Variants in SEC31B observed in about 807,000 individuals in gnomAD.
SEC31B encodes protein transport protein Sec31B.
SEC31B carries 113 observed loss-of-function variants against 135.0 expected under a neutral mutation model. That is an observed-to-expected ratio of 0.84 (90% CI 0.72 to 0.98). SEC31B has a LOEUF of 0.98. Ranked by LOEUF, SEC31B falls within the 50% of genes least tolerant of loss-of-function variation. SEC31B has a pLI of 0.00. For missense variants in SEC31B, 1,296 were observed against 1,421.1 expected, an observed-to-expected ratio of 0.91 and a Z score of 1.42; for synonymous variants, 508 against 549.4, an observed-to-expected ratio of 0.92 and a Z score of 1.05.
intron 14 of SEC31B, 146 bp downstream of exon 14, chr10:100,498,559 C>G: frequency 1.6e-6 from 1 of 636,848 alleles, no homozygotes; most frequent in Non-Finnish European, 2.8e-6. Context: ...AGAGAGAGCT[C>G]TAACTGGTAA....
At chr10:100,495,671 G>T in intron 18 of SEC31B, 125 bp from the exon 19 acceptor site, 1 of 1,041,658 alleles carries the variant, frequency 9.6e-7, no homozygotes, top group Non-Finnish European at 1.4e-6. Flanking sequence ...TGTTGTTGTT[G>T]TTGTTCTGTT....
chr10:100,512,755 A>G (rs763070569), intron 3 of SEC31B, among the ~76,000 whole-genome samples: 1 of 152,244 alleles, frequency 6.6e-6, no homozygotes, highest in African/African-American at 2.4e-5. Flanking sequence ...AAAAATGGAA[A>G]AATGAGGAAG....
intron 5 of SEC31B, 104 bp from the exon 6 acceptor site, chr10:100,508,155 G>C (rs1313889873): frequency 3.6e-6 from 5 of 1,380,604 alleles, no homozygotes; most frequent in Non-Finnish European, 4.1e-6. Flanking sequence ...TCCAAGAATA[G>C]ACATGGGGCT....
chr10:100,509,746 T>C (rs1229328315), intron 3 of SEC31B, among the ~76,000 whole-genome samples: 1 of 152,088 alleles, frequency 6.6e-6, no homozygotes, highest in Non-Finnish European at 1.5e-5. Context: ...TGCCTCTGAG[T>C]TGTGTGGAGG....
intron 5 of SEC31B, chr10:100,508,347 G>T: frequency 3.7e-6 from 2 of 533,706 alleles, no homozygotes; most frequent in Middle Eastern, 2.9e-4. Flanking sequence ...GACAAAAAAA[G>T]AGGGAGAGAA....
Position 100,488,958 on chromosome 10 carries a change from G to C in SEC31B, c.3188C>G (p.Pro1063Arg), listed in dbSNP as rs746234036. The change falls in exon 24 of 26, where the codon CCT (proline) becomes CGT (arginine). Residue 1063 changes from proline (P) to arginine (R), a missense_variant. By Grantham distance (103) the Pro-to-Arg change is moderately radical (BLOSUM62 -2). Coordinates refer to ENST00000370345, the MANE Select transcript of SEC31B (RefSeq NM_015490.4). ...CAGCTCCTTCCTTTCCATCTTCTCAGGTGGCAGGTGCTGAAGCTGCTGATA... is the reference window on the plus strand; with the variant it reads ...CAGCTCCTTCCTTTCCATCTTCTCACGTGGCAGGTGCTGAAGCTGCTGATA... ...ELSLQLQHLP[P>R]EKMERKELPP... 2.6e-5 allele frequency: 42 copies of C among 1,608,710 alleles called. No individual in the cohort carries two copies. In the South Asian group the frequency reaches 4.3e-4, roughly 17 times the overall value.
chr10:100,504,782 G>A (rs928809605), intron 10 of SEC31B, among the ~76,000 whole-genome samples: 7 of 151,976 alleles, frequency 4.6e-5, no homozygotes, highest in Non-Finnish European at 7.4e-5. Flanking sequence ...AAAGGCTGTG[G>A]TAGCATTCAA....
At chr10:100,516,265 A>C in intron 2 of SEC31B, 46 bp from the exon 3 acceptor site, 1 of 1,601,926 alleles carries the variant, frequency 6.2e-7, no homozygotes, top group Non-Finnish European at 8.5e-7. Context: ...ATATGCATGG[A>C]TTTCAGGTAT....
At position 100,509,323 on chromosome 10, in the gene SEC31B, G is replaced by A. The variant is rs1472060703; in HGVS notation, c.392C>T (p.Pro131Leu). The change falls in exon 4 of 26, where the codon CCT becomes CTT. Residue 131 changes from proline to leucine, a missense_variant. Coordinates refer to ENST00000370345, the MANE Select transcript of SEC31B (RefSeq NM_015490.4). ...CTAACTGAAATGTAGTACCTGGAAA[G>A]GATTCAAGTCGAGGGCTCTGACAGC... ...TGAVRALDLN[P>L]FQGNLLASGA... 6.2e-7 allele frequency: 1 copy of A among 1,613,418 alleles called. No individual in the cohort carries two copies. The highest frequency in any genetic ancestry group is 8.5e-7 in the Non-Finnish European group (1 of 1,179,832).
intron 19 of SEC31B, among the ~76,000 whole-genome samples, chr10:100,493,225 TA>T (rs2133674453): frequency 6.6e-6 from 1 of 151,824 alleles, no homozygotes; most frequent in Non-Finnish European, 1.5e-5. Flanking sequence ...TACAAAAAAT[TA>T]TCCGGGCGTG....
Position 100,488,921 on chromosome 10 carries a change from A to T in SEC31B, c.3225T>A (p.His1075Gln), listed in dbSNP as rs766060615. 6.2e-7 allele frequency: 1 copy of T among 1,611,868 alleles called. No individual in the cohort carries two copies. Among genetic ancestry groups the T allele is most frequent in the South Asian group, 1.1e-5 (1 of 90,728 alleles). Residue 1075 changes from histidine (H) to glutamine (Q), a missense_variant, in exon 24 of 26, where the codon CAT (histidine) becomes CAA (glutamine). Coordinates refer to ENST00000370345, the MANE Select transcript of SEC31B (RefSeq NM_015490.4). ...KMERKELPPE[H>Q]QSLKSSFEAL... Reference sequence around the variant, plus strand: ...CCTCAAAGCTGCTCTTCAAGGACTGATGCTCTGGGGGCAGCTCCTTCCTTT... The same window carrying T: ...CCTCAAAGCTGCTCTTCAAGGACTGTTGCTCTGGGGGCAGCTCCTTCCTTT...
chr10:100,498,123 G>A lies in SEC31B; in HGVS notation c.1769C>T (p.Ala590Val). 1 of 1,614,202 alleles carries A rather than the reference G, an allele frequency of 6.2e-7. No individual in the cohort carries two copies. Among genetic ancestry groups the A allele is most frequent in the Non-Finnish European group, 8.5e-7 (1 of 1,180,046 alleles). Residue 590 changes from alanine (A) to valine (V), a missense_variant, in exon 15 of 26, where the codon GCT (alanine) becomes GTT (valine). Ala to Val is a moderately conservative substitution (Grantham distance 64). Coordinates refer to ENST00000370345, the MANE Select transcript of SEC31B (RefSeq NM_015490.4). ...VELCLKEERFADAIILAQAGG... is the reference protein window; with the variant it reads ...VELCLKEERFVDAIILAQAGG... ...AGCCTGGGCCAGGATAATGGCATCAGCAAAGCGCTCCTCCTTCAGACACAG... is the reference window on the plus strand; with the variant it reads ...AGCCTGGGCCAGGATAATGGCATCAACAAAGCGCTCCTCCTTCAGACACAG...
chr10:100,505,528 A>G (rs2133689623), intron 9 of SEC31B, 33 bp from the exon 10 acceptor site: 11 of 1,506,064 alleles, frequency 7.3e-6, no homozygotes, highest in Non-Finnish European at 7.9e-6. Flanking sequence ...TCGCCATCCT[A>G]AAGTGGCAGT....
chr10:100,491,800 TG>T (rs1851305333), intron 19 of SEC31B, among the ~76,000 whole-genome samples: 2 of 152,252 alleles, frequency 1.3e-5, no homozygotes, highest in Admixed American at 6.5e-5. Flanking sequence ...TGGGACTTTT[TG>T]TAAGTGTTTA....
At chr10:100,502,197 T>C (rs1851536451) in intron 11 of SEC31B, 57 bp downstream of exon 11, 7 of 1,358,058 alleles carry the variant, frequency 5.2e-6, no homozygotes, top group South Asian at 3.8e-5. Flanking sequence ...TTGACAGAGG[T>C]TGGAGTTCCA....
chr10:100,505,462 GGA>G lies in SEC31B; in HGVS notation c.1076_1077del (p.Leu359ProfsTer26). On this transcript the variant is annotated frameshift_variant, in exon 10 of 26. Coordinates refer to ENST00000370345, the MANE Select transcript of SEC31B (RefSeq NM_015490.4). LOFTEE classifies it high-confidence loss of function. ...ACTTGCTCTGGCACCTGCAGTGGTG[GGA>G]GAGGCTGGCCTTTGCTGAAGGAAGA... Reference protein sequence around the residue: ...ISSSFSKGQPLPPLQVPEQVA... With the variant: ...ISSSFSKGQPXPPLQVPEQVA... 6.3e-7 allele frequency: 1 copy of G among 1,582,366 alleles called. No individual in the cohort carries two copies. The highest frequency in any genetic ancestry group is 1.7e-4 in the Middle Eastern group (1 of 5,926).
At chr10:100,501,752 T>C (rs1851528303) in intron 11 of SEC31B, 1 of 157,558 alleles carries the variant, frequency 6.3e-6, no homozygotes, top group African/African-American at 2.4e-5. Flanking sequence ...GAACTGGAAC[T>C]GAACCCATGC....
intron 19 of SEC31B, among the ~76,000 whole-genome samples, chr10:100,493,316 T>C (rs1198484309): frequency 6.7e-6 from 1 of 149,832 alleles, no homozygotes. Flanking sequence ...GAGCTTGCAG[T>C]GAGCCAAGAT....
chr10:100,490,698 TCA>T lies in SEC31B; in HGVS notation c.2650+6_2650+7del. 1.3e-6 allele frequency: 2 copies of T among 1,560,090 alleles called. No homozygotes were observed. Among genetic ancestry groups the T allele is most frequent in the Non-Finnish European group, 1.7e-6 (2 of 1,150,968 alleles). ...TCTGCCCAGATAGATCTTCAGTGAC[TCA>T]CTCACCAGGCCTTACCCCAGGGCTC... On this transcript the variant is annotated splice_donor_region_variant and intron_variant, in intron 20 of 25. Coordinates refer to ENST00000370345, the MANE Select transcript of SEC31B (RefSeq NM_015490.4).
Sources: gnomAD v4.1 joint callset for allele counts (sites outside exome capture counted in the v4.1 genomes callset) on GRCh38, gnomAD v4.1.1 for gene constraint, MANE v1.5 for transcripts, NCBI Gene and HGNC (gene_info 2026-07-23, HGNC 2026-07-21) for gene names.